The following INVS variants were observed in gnomAD, a reference collection of about 807,000 sequenced individuals.
The protein encoded by INVS is inversion of embryo turning homolog.
INVS carries 86 observed loss-of-function variants against 108.8 expected under a neutral mutation model. That is an observed-to-expected ratio of 0.79 (90% confidence interval 0.66 to 0.95). The LOEUF is 0.95. Ranked by LOEUF, INVS falls within the 40% of genes least tolerant of loss-of-function variation. INVS has a pLI of 0.00. For synonymous variants in INVS, 455 were observed against 473.5 expected, an observed-to-expected ratio of 0.96 and a Z score of 0.51; for missense variants, 1,169 against 1,297.4, an observed-to-expected ratio of 0.90 and a Z score of 1.52.
At chr9:100,115,800 G>A (rs185280466) in intron 2 of INVS, among the ~76,000 whole-genome samples, 2 of 152,030 alleles carry the variant, frequency 1.3e-5, no homozygotes, top group Non-Finnish European at 2.9e-5. Context: ...TAATCCTTTG[G>A]GTATACACCC....
At chr9:100,271,339 C>CAT (rs1564185275) in intron 11 of INVS, among the ~76,000 whole-genome samples, 1 of 152,186 alleles carries the variant, frequency 6.6e-6, no homozygotes, top group Non-Finnish European at 1.5e-5. Flanking sequence ...GTAATGACTG[C>CAT]ATATACAGAT....
chr9:100,244,737 A>T (rs1268500183), intron 7 of INVS, among the ~76,000 whole-genome samples: 3 of 152,178 alleles, frequency 2.0e-5, no homozygotes, highest in South Asian at 2.1e-4. Context: ...AAAAATGCAG[A>T]CACATTCCCC....
chr9:100,228,925 G>A (rs746168021), intron 4 of INVS, among the ~76,000 whole-genome samples: 9 of 152,222 alleles, frequency 5.9e-5, no homozygotes, highest in Middle Eastern at 3.4e-3. Flanking sequence ...CCCAATTCCC[G>A]TCAATAGGAA....
At chr9:100,262,638 T>TAAAAAAAAA (rs58650063) in intron 10 of INVS, among the ~76,000 whole-genome samples, 47 of 116,480 alleles carry the variant, frequency 4.0e-4, no homozygotes, top group Non-Finnish European at 6.8e-4. Flanking sequence ...CCTGGAGCAC[T>TAAAAAAAAA]AAAAAAAAAA....
intron 3 of INVS, among the ~76,000 whole-genome samples, chr9:100,162,628 C>A (rs927515149): frequency 3.9e-5 from 6 of 152,120 alleles, no homozygotes; most frequent in Non-Finnish European, 5.9e-5. Flanking sequence ...GATTCCCAGG[C>A]CTAATCCTAT....
intron 14 of INVS, among the ~76,000 whole-genome samples, chr9:100,295,242 C>T (rs530979422): frequency 4.2e-4 from 64 of 152,180 alleles, no homozygotes; most frequent in African/African-American, 1.3e-3. Context: ...AGTAAGTGAC[C>T]AGAGTAGCAA....
At chr9:100,138,967 A>G (rs1828329847) in intron 3 of INVS, among the ~76,000 whole-genome samples, 2 of 152,074 alleles carry the variant, frequency 1.3e-5, no homozygotes, top group Non-Finnish European at 2.9e-5. Context: ...CAGCCTCCCA[A>G]AGTGCTGGGA....
chr9:100,184,030 A>T (rs1829980766), intron 3 of INVS, among the ~76,000 whole-genome samples: 1 of 152,142 alleles, frequency 6.6e-6, no homozygotes, highest in African/African-American at 2.4e-5. Flanking sequence ...TTTTGTATAA[A>T]GTGATACAAC....
rs571630868 is a variant in INVS at position 100,298,434 on chromosome 9, T to A, written c.3091+424T>A. On this transcript the variant is annotated intron_variant, in intron 16 of 16. Transcript: ENST00000262457. ...AGCATGTACAGCCCAGGCTCAGCTG[T>A]GCGTGCTTTCCCTCATACAGGAGAA... 3.3e-5 allele frequency: 21 copies of A among 638,920 alleles called. 1 individual carries two copies. The South Asian group carries it at 1.5e-3, about 45-fold the overall frequency. 39.6% of individuals were successfully genotyped at this position (638,920 alleles called of 1,614,324 possible).
In INVS at chr9:100,301,274, CAT is replaced by C. The variant is rs555357394; in HGVS notation, c.*602_*603del. Among the ~76,000 whole-genome samples, 212 of 152,000 alleles carry C rather than the reference CAT, an allele frequency of 1.4e-3. 1 individual carries two copies. The highest frequency in any genetic ancestry group is 1.5e-4 in the Non-Finnish European group (10 of 67,980). ...TTCATTTAGAAATTGTCCAAAAGAC[CAT>C]AGATACATTCTGGTGATTCCTTACA... On this transcript the variant is annotated 3_prime_UTR_variant, in exon 17 of 17. Coordinates refer to ENST00000262457, the MANE Select transcript of INVS (RefSeq NM_014425.5).
chr9:100,111,900 C>G (rs1827347132), intron 2 of INVS, among the ~76,000 whole-genome samples: 1 of 152,210 alleles, frequency 6.6e-6, no homozygotes, highest in Non-Finnish European at 1.5e-5. Context: ...CATGAAGCCA[C>G]TGTCCCCCTA....
At chr9:100,252,222 A>G in intron 8 of INVS, 61 bp from the exon 9 acceptor site, 1 of 1,498,884 alleles carries the variant, frequency 6.7e-7, no homozygotes, top group South Asian at 1.1e-5. Flanking sequence ...AAGACATATA[A>G]TAATTTAAAA....
chr9:100,132,740 T>C (rs1176908885), intron 3 of INVS, among the ~76,000 whole-genome samples: 4 of 151,996 alleles, frequency 2.6e-5, no homozygotes, highest in African/African-American at 7.2e-5. Context: ...TAAAAATTAC[T>C]GTACTCACAT....
intron 4 of INVS, among the ~76,000 whole-genome samples, chr9:100,228,315 C>T (rs992717849): frequency 6.6e-6 from 1 of 152,114 alleles, no homozygotes; most frequent in African/African-American, 2.4e-5. Flanking sequence ...TTTAGAGAGA[C>T]TCTGTTATTT....
At chr9:100,153,542 T>C (rs1470202366) in intron 3 of INVS, among the ~76,000 whole-genome samples, 1 of 152,204 alleles carries the variant, frequency 6.6e-6, no homozygotes, top group African/African-American at 2.4e-5. Context: ...GACAACATGT[T>C]CTGATGGCAA....
chr9:100,219,869 A>C (rs953068255), intron 3 of INVS, among the ~76,000 whole-genome samples: 3 of 146,666 alleles, frequency 2.0e-5, no homozygotes, highest in Non-Finnish European at 4.4e-5. Context: ...AAACAATACT[A>C]TGTCGTTTAT....
intron 11 of INVS, among the ~76,000 whole-genome samples, chr9:100,265,689 A>G (rs1193837022): frequency 6.6e-6 from 1 of 152,228 alleles, no homozygotes; most frequent in Non-Finnish European, 1.5e-5. Flanking sequence ...CTAAGATGAA[A>G]GTTCAGGGTT....
intron 3 of INVS, among the ~76,000 whole-genome samples, chr9:100,189,273 C>G (rs768160943): frequency 2.6e-5 from 4 of 151,438 alleles, no homozygotes; most frequent in Non-Finnish European, 4.4e-5. Context: ...TTTTCTTTTG[C>G]TAGTTTGGGT....
At chr9:100,198,508 C>G (rs1471338117) in intron 3 of INVS, among the ~76,000 whole-genome samples, 1 of 150,994 alleles carries the variant, frequency 6.6e-6, no homozygotes, top group Non-Finnish European at 1.5e-5. Flanking sequence ...TCAGGCTGGT[C>G]TCGAACTCCT....
Sources: gnomAD v4.1 joint callset for allele counts (sites outside exome capture counted in the v4.1 genomes callset) on GRCh38, gnomAD v4.1.1 for gene constraint, MANE v1.5 for transcripts, NCBI Gene and HGNC (gene_info 2026-07-23, HGNC 2026-07-21) for gene names.